CELF2: variants seen among roughly 807,000 people sequenced by gnomAD.
The protein encoded by CELF2 is CUG triplet repeat RNA-binding protein 2.
CELF2 carries 8 observed loss-of-function variants against 62.6 expected under a neutral mutation model. The observed-to-expected ratio is 0.13, with a 90% CI of 0.07 to 0.23. The LOEUF (loss-of-function observed/expected upper bound fraction) is 0.23. Among genes scored for constraint, CELF2 ranks in the 10% least tolerant of loss-of-function variants. The probability of loss-of-function intolerance (pLI) is 1.00; values close to 1 mark genes in which losing one functional copy is unlikely to be tolerated. For synonymous variants in CELF2, 258 were observed against 250.0 expected, an observed-to-expected ratio of 1.03 and a Z score of -0.30; for missense variants, 333 against 671.0, an observed-to-expected ratio of 0.50 and a Z score of 5.56.
At chr10:10,889,821 C>T (rs2062007806) in intron 1 of CELF2, among the ~76,000 whole-genome samples, 1 of 152,166 alleles carries the variant, frequency 6.6e-6, no homozygotes, top group Admixed American at 6.5e-5. Context: ...AGTAGCACAA[C>T]TTAAACCGTG....
At chr10:11,188,334 A>C (rs1372166416) in intron 2 of CELF2, among the ~76,000 whole-genome samples, 2 of 152,130 alleles carry the variant, frequency 1.3e-5, no homozygotes, top group Non-Finnish European at 1.5e-5. Flanking sequence ...CGAACTCCCA[A>C]CCTCAGGTGA....
chr10:10,593,005 A>T, the CELF2 span, among the ~76,000 whole-genome samples: 1 of 152,340 alleles, frequency 6.6e-6, no homozygotes, highest in East Asian at 1.9e-4. Flanking sequence ...CAAGTAGCAA[A>T]GGATGAGTTC....
At chr10:10,578,649 C>A in the CELF2 span, among the ~76,000 whole-genome samples, 1 of 152,048 alleles carries the variant, frequency 6.6e-6, no homozygotes, top group Non-Finnish European at 1.5e-5. Flanking sequence ...CAAGCACACC[C>A]CAGCCCCAAA....
the CELF2 span, among the ~76,000 whole-genome samples, chr10:10,762,925 C>A: frequency 1.2e-4 from 18 of 152,162 alleles, no homozygotes; most frequent in Middle Eastern, 3.4e-3. Context: ...GGTGACAGAG[C>A]AAGACTCTGT....
chr10:10,631,347 T>C, the CELF2 span, among the ~76,000 whole-genome samples: 1 of 152,218 alleles, frequency 6.6e-6, no homozygotes, highest in Non-Finnish European at 1.5e-5. Context: ...TGTGCAGGCA[T>C]GGAGGTGACC....
At chr10:10,695,299 G>C in the CELF2 span, among the ~76,000 whole-genome samples, 2 of 144,540 alleles carry the variant, frequency 1.4e-5, no homozygotes, top group Admixed American at 7.0e-5. Flanking sequence ...ATTCTGGGTT[G>C]AAAATTCTTT....
intron 1 of CELF2, among the ~76,000 whole-genome samples, chr10:11,149,057 G>A (rs1436588583): frequency 6.6e-6 from 1 of 152,082 alleles, no homozygotes; most frequent in East Asian, 1.9e-4. Flanking sequence ...CACCACACTG[G>A]CATTATTGAC....
intron 1 of CELF2, among the ~76,000 whole-genome samples, chr10:10,879,332 A>G (rs1210926227): frequency 1.3e-5 from 2 of 152,196 alleles, no homozygotes; most frequent in Admixed American, 6.5e-5. Flanking sequence ...ACTTAGTGCC[A>G]CGCACTGGCT....
the CELF2 span, among the ~76,000 whole-genome samples, chr10:10,792,003 A>AGACAGGGAG: frequency 1.8e-3 from 151 of 84,926 alleles, no homozygotes; most frequent in African/African-American, 6.2e-3. Context: ...GAAGGAAGGG[A>AGACAGGGAG]GAAGGAAGGA....
chr10:11,214,295 T>A lies in CELF2; in HGVS notation c.272-3130T>A, dbSNP rs935521907. On this transcript the variant is annotated intron_variant, in intron 2 of 12. Transcript: ENST00000633077. This position sits in a 1 kb window ranked among gnomAD's most constrained non-coding sequence, Gnocchi z 4.2. ...ACATCCTGTCTCAAAAATAAATAAA[T>A]TTTTTAATGATGAAACTAACTAAGG... 1.7e-4 allele frequency among the ~76,000 whole-genome samples: 26 copies of A among 152,170 alleles called. No homozygotes were observed. Among genetic ancestry groups the A allele is most frequent in the Admixed American group, 1.2e-3 (18 of 15,270 alleles).
rs1023262089 is a variant in CELF2 at position 11,008,059 on chromosome 10, G to A, written c.53+2619G>A. On this transcript the variant is annotated intron_variant, in intron 1 of 12. Transcript: ENST00000416382. This position sits in a 1 kb window ranked among gnomAD's most constrained non-coding sequence, Gnocchi z 4.5. Reference sequence around the variant, plus strand: ...TCTTTTCCTTTCACCTGATAGGGACGGTGTGAGGTTGCCCGAAGCTGGCAA... The same window carrying A: ...TCTTTTCCTTTCACCTGATAGGGACAGTGTGAGGTTGCCCGAAGCTGGCAA... Among the ~76,000 whole-genome samples, 45 of 152,078 alleles carry A rather than the reference G, an allele frequency of 3.0e-4. No individual in the cohort carries two copies. The highest frequency in any genetic ancestry group is 9.9e-4 in the African/African-American group (41 of 41,394).
rs942698043 is a variant in CELF2, at chr10:11,270,480, C to T, written c.619-186C>T. ...CCAGATCCCCCAAAGAAACCACTGG[C>T]AGTGTCTGGAATTTTCTGTTGATGG... is the stretch of plus-strand genomic sequence containing the variant. On this transcript the variant is annotated intron_variant, in intron 6 of 12. Coordinates refer to ENST00000633077, the MANE Select transcript of CELF2 (RefSeq NM_001326342.2). The surrounding 1 kb of genome is among the most constrained non-coding windows in gnomAD (Gnocchi z 5.8). 2.6e-5 allele frequency among the ~76,000 whole-genome samples: 4 copies of T among 152,220 alleles called. No homozygotes were observed. Among genetic ancestry groups the T allele is most frequent in the Non-Finnish European group, 5.9e-5 (4 of 68,042 alleles).
chr10:11,289,115 G>T (rs2092037536), intron 9 of CELF2, among the ~76,000 whole-genome samples: 2 of 152,130 alleles, frequency 1.3e-5, no homozygotes, highest in Admixed American at 6.5e-5. Flanking sequence ...GCAGATGCCA[G>T]TTGTCTTTTC....
chr10:10,754,420 G>A, the CELF2 span, among the ~76,000 whole-genome samples: 1 of 152,074 alleles, frequency 6.6e-6, no homozygotes, highest in African/African-American at 2.4e-5. Context: ...CCAAAGTGCT[G>A]GGATTCCAAG....
chr10:11,240,919 G>A (rs2073634799), intron 3 of CELF2, among the ~76,000 whole-genome samples: 1 of 152,090 alleles, frequency 6.6e-6, no homozygotes, highest in African/African-American at 2.4e-5. Flanking sequence ...CCTCAGGCTT[G>A]TGCTCCCACC....
chr10:11,129,980 G>A (rs770353396), intron 1 of CELF2, among the ~76,000 whole-genome samples: 5 of 152,164 alleles, frequency 3.3e-5, no homozygotes, highest in Non-Finnish European at 5.9e-5. Context: ...GTTGACTTTA[G>A]ATCTTTCCTG....
chr10:10,992,837 GT>G (rs1564326287), intron 2 of CELF2, among the ~76,000 whole-genome samples: 1 of 152,150 alleles, frequency 6.6e-6, no homozygotes, highest in African/African-American at 2.4e-5. Context: ...TCTCTGTAAG[GT>G]TTTTTTCTCT....
intron 1 of CELF2, among the ~76,000 whole-genome samples, chr10:10,819,052 A>G (rs1029056621): frequency 6.6e-6 from 1 of 152,160 alleles, no homozygotes; most frequent in East Asian, 1.9e-4. Flanking sequence ...ACTTGGGCTG[A>G]TAGTGATTGC....
At chr10:10,600,275 G>A in the CELF2 span, among the ~76,000 whole-genome samples, 1 of 152,158 alleles carries the variant, frequency 6.6e-6, no homozygotes, top group African/African-American at 2.4e-5. Flanking sequence ...TTTTCTTGTG[G>A]GGCATTTGAG....
Sources: gnomAD v4.1 joint callset for allele counts (sites outside exome capture counted in the v4.1 genomes callset) on GRCh38, gnomAD v4.1.1 for gene constraint, Gnocchi (gnomAD v3.1) non-coding constraint, MANE v1.5 for transcripts, NCBI Gene and HGNC (gene_info 2026-07-23, HGNC 2026-07-21) for gene names.